The following PDE1C variants were observed in gnomAD, a reference collection of about 807,000 sequenced individuals.
The protein encoded by PDE1C is dual specificity calcium/calmodulin-dependent 3',5'-cyclic nucleotide phosphodiesterase 1C.
PDE1C carries 62 observed loss-of-function variants against 93.1 expected under a neutral mutation model. The ratio of observed to expected loss-of-function variants is 0.67; its 90% CI spans 0.54 to 0.82. PDE1C has a LOEUF of 0.82. Ranked by LOEUF, PDE1C falls within the 40% of genes least tolerant of loss-of-function variation. The probability of loss-of-function intolerance (pLI) is 0.00; values close to 1 mark genes in which losing one functional copy is unlikely to be tolerated. For synonymous variants in PDE1C, 325 were observed against 310.1 expected (o/e 1.05, Z -0.50); for missense variants, 742 against 884.6 (o/e 0.84, Z 2.04).
At chr7:31,693,600 A>G in the PDE1C span, among the ~76,000 whole-genome samples, 3 of 152,174 alleles carry the variant, frequency 2.0e-5, no homozygotes, top group Non-Finnish European at 4.4e-5. Flanking sequence ...TGAGAACTCA[A>G]TGAGATCATA....
At chr7:32,329,069 A>G (rs1281599583) in intron 1 of PDE1C, among the ~76,000 whole-genome samples, 1 of 152,068 alleles carries the variant, frequency 6.6e-6, no homozygotes. Context: ...TTATCTCTAG[A>G]AAAAATGAAA....
At chr7:32,387,288 C>A (rs1034939692) in intron 1 of PDE1C, among the ~76,000 whole-genome samples, 1 of 152,010 alleles carries the variant, frequency 6.6e-6, no homozygotes, top group African/African-American at 2.4e-5. Flanking sequence ...CCACACAGAC[C>A]CGGCAACCAT....
At chr7:32,309,706 T>A (rs1177971969) in intron 1 of PDE1C, among the ~76,000 whole-genome samples, 1 of 151,992 alleles carries the variant, frequency 6.6e-6, no homozygotes, top group African/African-American at 2.4e-5. Context: ...TGCTGAGAGA[T>A]TTTGTCACCA....
intron 2 of PDE1C, among the ~76,000 whole-genome samples, chr7:32,029,045 A>T (rs1239857918): frequency 1.3e-5 from 2 of 152,124 alleles, no homozygotes; most frequent in African/African-American, 2.4e-5. Context: ...ATTCAATAGC[A>T]AAAAAACAAA....
At chr7:31,993,229 C>T (rs761648223) in intron 2 of PDE1C, among the ~76,000 whole-genome samples, 60 of 152,178 alleles carry the variant, frequency 3.9e-4, no homozygotes, top group Non-Finnish European at 7.1e-4. Flanking sequence ...TTGATCATAA[C>T]GCTACCATTC....
intron 3 of PDE1C, among the ~76,000 whole-genome samples, chr7:32,096,344 G>A (rs866070807): frequency 7.2e-5 from 11 of 152,222 alleles, no homozygotes; most frequent in African/African-American, 2.7e-4. Flanking sequence ...CCACGTCAGA[G>A]GGTGAAGTCA....
chr7:31,937,010 G>A (rs1237608914), intron 2 of PDE1C, among the ~76,000 whole-genome samples: 1 of 152,142 alleles, frequency 6.6e-6, no homozygotes, highest in African/African-American at 2.4e-5. Context: ...TGGGAGGGGT[G>A]CTTCCAGGTC....
intron 1 of PDE1C, among the ~76,000 whole-genome samples, chr7:32,257,244 G>A (rs1228606948): frequency 1.3e-5 from 2 of 152,168 alleles, no homozygotes; most frequent in Non-Finnish European, 2.9e-5. Flanking sequence ...AAATGAGAAA[G>A]GGGAATGGCA....
intron 3 of PDE1C, among the ~76,000 whole-genome samples, chr7:32,099,348 A>G (rs1369354570): frequency 1.3e-5 from 2 of 152,350 alleles, no homozygotes; most frequent in South Asian, 2.1e-4. Context: ...ATGAGGAAAT[A>G]GGATGTTACT....
intron 3 of PDE1C, among the ~76,000 whole-genome samples, chr7:32,087,714 A>C (rs143324045): frequency 4.2e-4 from 62 of 149,270 alleles, no homozygotes; most frequent in South Asian, 1.1e-3. Context: ...ACATGGATGA[A>C]ATTGGAAATC....
chr7:31,722,223 T>C, the PDE1C span, among the ~76,000 whole-genome samples: 1 of 152,106 alleles, frequency 6.6e-6, no homozygotes, highest in Non-Finnish European at 1.5e-5. Flanking sequence ...AGGCCCCCCA[T>C]CTTTAGTTGC....
At chr7:31,884,176 A>G (rs533614628) in intron 2 of PDE1C, among the ~76,000 whole-genome samples, 106 of 152,296 alleles carry the variant, frequency 7.0e-4, no homozygotes, top group African/African-American at 2.4e-3. Context: ...CCCAGCTGAC[A>G]TTCACCTTTC....
At chr7:31,840,484 T>TA (rs551354053) in intron 9 of PDE1C, among the ~76,000 whole-genome samples, 61 of 152,192 alleles carry the variant, frequency 4.0e-4, no homozygotes, top group African/African-American at 1.4e-3. Context: ...AATTTATCAT[T>TA]AAAAAAATGC....
the PDE1C span, among the ~76,000 whole-genome samples, chr7:31,689,001 T>G: frequency 5.3e-5 from 8 of 152,258 alleles, no homozygotes; most frequent in Non-Finnish European, 1.2e-4. Context: ...TTTGTCTTTA[T>G]GTCACTTAGT....
At chr7:32,236,285 C>T (rs1361077809) in intron 1 of PDE1C, among the ~76,000 whole-genome samples, 7 of 151,756 alleles carry the variant, frequency 4.6e-5, no homozygotes, top group Non-Finnish European at 1.0e-4. Context: ...AAAGTAAGAT[C>T]CATAAAAGAA....
At chr7:32,134,922 T>TAATAAATA (rs917138513) in intron 3 of PDE1C, among the ~76,000 whole-genome samples, 1 of 152,092 alleles carries the variant, frequency 6.6e-6, no homozygotes, top group Non-Finnish European at 1.5e-5. Context: ...ACTTAATGTG[T>TAATAAATA]AATAAATAAA....
chr7:31,697,960 G>T, the PDE1C span, among the ~76,000 whole-genome samples: 1 of 152,112 alleles, frequency 6.6e-6, no homozygotes, highest in African/African-American at 2.4e-5. Context: ...CTAGCTAATT[G>T]GTTGGATCAA....
chr7:32,319,255 A>T (rs539143362), intron 1 of PDE1C, among the ~76,000 whole-genome samples: 1 of 152,268 alleles, frequency 6.6e-6, no homozygotes, highest in South Asian at 2.1e-4. Context: ...CCTCTGCCTG[A>T]CTTTTGCTCC....
intron 3 of PDE1C, among the ~76,000 whole-genome samples, chr7:32,152,988 T>G (rs1801354190): frequency 6.6e-6 from 1 of 152,210 alleles, no homozygotes; most frequent in South Asian, 2.1e-4. Context: ...GCATGCATAT[T>G]ATTTTTATGG....
Sources: allele counts gnomAD v4.1 joint callset (sites outside exome capture counted in the v4.1 genomes callset), GRCh38; gene constraint gnomAD v4.1.1; transcripts MANE v1.5; gene names NCBI Gene and HGNC (gene_info 2026-07-23, HGNC 2026-07-21).